The following PARN variants were observed in gnomAD, a reference collection of about 807,000 sequenced individuals.
PARN encodes the protein poly(A)-specific ribonuclease PARN.
A neutral mutation model predicts 102.8 loss-of-function variants in PARN; 71 were observed. That is an observed-to-expected ratio of 0.69 (90% CI 0.57 to 0.84). PARN has a LOEUF of 0.84. Among genes scored for constraint, PARN ranks in the 40% least tolerant of loss-of-function variants. The probability of loss-of-function intolerance (pLI) is 0.00; values close to 1 mark genes in which losing one functional copy is unlikely to be tolerated. For missense variants in PARN, 782 were observed against 760.9 expected, an observed-to-expected ratio of 1.03 and a Z score of -0.33; for synonymous variants, 261 against 252.9, an observed-to-expected ratio of 1.03 and a Z score of -0.30.
At chr16:14,572,672 G>A (rs1456140539) in intron 18 of PARN, among the ~76,000 whole-genome samples, 4 of 152,016 alleles carry the variant, frequency 2.6e-5, no homozygotes, top group African/African-American at 7.3e-5. Flanking sequence ...CTTCTATTAC[G>A]TACCAATGTG....
At chr16:14,460,280 T>C (rs1295845490) in intron 22 of PARN, among the ~76,000 whole-genome samples, 1 of 152,222 alleles carries the variant, frequency 6.6e-6, no homozygotes, top group African/African-American at 2.4e-5. Flanking sequence ...CAGCCAAATA[T>C]TTAAAGAAAG....
intron 18 of PARN, among the ~76,000 whole-genome samples, chr16:14,571,874 G>A (rs996285609): frequency 6.6e-6 from 1 of 152,196 alleles, no homozygotes; most frequent in African/African-American, 2.4e-5. Flanking sequence ...GGATTCAACT[G>A]TACTATACTA....
chr16:14,503,745 C>T (rs1225448555), intron 21 of PARN, among the ~76,000 whole-genome samples: 2 of 152,204 alleles, frequency 1.3e-5, no homozygotes, highest in African/African-American at 2.4e-5. Context: ...AGGTAGTACA[C>T]GCTGCCAATG....
intron 21 of PARN, among the ~76,000 whole-genome samples, chr16:14,535,061 C>T (rs1490217741): frequency 2.0e-5 from 3 of 152,088 alleles, no homozygotes; most frequent in Non-Finnish European, 2.9e-5. Context: ...CTCGAACTCC[C>T]GACCTCAGGT....
At position 14,627,190 on chromosome 16, in the gene PARN, G is replaced by T; in HGVS notation, c.246-3C>A. The T allele has an allele frequency of 6.3e-7, 1 of 1,591,466 alleles. No individual in the cohort carries two copies. The highest frequency in any genetic ancestry group is 8.6e-7 in the Non-Finnish European group (1 of 1,162,578). Reference sequence around the variant, plus strand: ...AGTTAAATGACTTCGTTATATACCTGGGATAAGATAAAAGGAGACTTAGGA... The same window carrying T: ...AGTTAAATGACTTCGTTATATACCTTGGATAAGATAAAAGGAGACTTAGGA... On this transcript the variant is annotated splice_polypyrimidine_tract_variant and splice_region_variant and intron_variant, in intron 4 of 23. Transcript: ENST00000437198.
At chr16:14,596,972 A>T (rs1369082850) in intron 12 of PARN, among the ~76,000 whole-genome samples, 1 of 152,026 alleles carries the variant, frequency 6.6e-6, no homozygotes, top group East Asian at 1.9e-4. Context: ...TTTTCATTAG[A>T]GATGGTATTT....
At chr16:14,538,634 T>G (rs993045006) in intron 21 of PARN, among the ~76,000 whole-genome samples, 13 of 152,164 alleles carry the variant, frequency 8.5e-5, no homozygotes, top group African/African-American at 3.1e-4. Flanking sequence ...GAGAGATTTA[T>G]TCAATACTCT....
intron 21 of PARN, 32 bp from the exon 22 acceptor site, chr16:14,482,859 T>TA (rs1394224211): frequency 6.5e-7 from 1 of 1,536,436 alleles, no homozygotes; most frequent in East Asian, 2.3e-5. Context: ...ATAAAATGCT[T>TA]ACAAAAGTCT....
chr16:14,559,413 T>G (rs563803511), intron 18 of PARN, among the ~76,000 whole-genome samples: 1 of 152,220 alleles, frequency 6.6e-6, no homozygotes, highest in East Asian at 1.9e-4. Flanking sequence ...AGATTTGTTT[T>G]TTTTTTTTAA....
At chr16:14,537,474 G>A (rs1009206171) in intron 21 of PARN, among the ~76,000 whole-genome samples, 10 of 152,090 alleles carry the variant, frequency 6.6e-5, no homozygotes, top group Non-Finnish European at 1.3e-4. Flanking sequence ...AAAGGCATAC[G>A]CTGCACCCCC....
chr16:14,520,453 C>G (rs1421161796), intron 21 of PARN, among the ~76,000 whole-genome samples: 1 of 152,014 alleles, frequency 6.6e-6, no homozygotes, highest in Non-Finnish European at 1.5e-5. Flanking sequence ...GTGGGCCAGG[C>G]ATGGTGGCTC....
chr16:14,629,926 C>G (rs927910311), intron 1 of PARN, among the ~76,000 whole-genome samples, 181 bp downstream of exon 1: 2 of 152,220 alleles, frequency 1.3e-5, no homozygotes, highest in African/African-American at 4.8e-5. Context: ...GTACAAGGCT[C>G]CTAGGGTGCA....
Position 14,436,656 on chromosome 16 carries a change from T to C in PARN, c.*61A>G. ...AGTTAAATACAGTGCGGCTTCCAAA[T>C]GTGCCAGCCGGCTCTTGCTCACAGC... is the stretch of plus-strand genomic sequence containing the variant. On this transcript the variant is annotated 3_prime_UTR_variant, in exon 24 of 24. Transcript: ENST00000437198. The C allele has an allele frequency of 7.9e-7, 1 of 1,273,062 alleles. No individual in the cohort carries two copies. Among genetic ancestry groups the C allele is most frequent in the Non-Finnish European group, 1.1e-6 (1 of 889,956 alleles). 78.9% of individuals were successfully genotyped at this position (1,273,062 alleles called of 1,614,324 possible).
intron 21 of PARN, among the ~76,000 whole-genome samples, chr16:14,521,333 C>T (rs1188152059): frequency 6.6e-6 from 1 of 152,206 alleles, no homozygotes; most frequent in East Asian, 1.9e-4. Context: ...CCAAAAAGTT[C>T]TATGGCCTGC....
In PARN at chr16:14,628,216, T is replaced by C. The variant is rs748359090; in HGVS notation, c.133A>G (p.Asn45Asp). 3 of 1,607,566 alleles carry C rather than the reference T, an allele frequency of 1.9e-6. No individual in the cohort carries two copies. Among genetic ancestry groups the C allele is most frequent in the Admixed American group, 3.3e-5 (2 of 59,760 alleles). ...SDGPSVSALT[N>D]GFDTPEERYQ... is the part of the protein sequence containing the mutation. The stretch of plus-strand genomic sequence containing the variant: ...CTCTCTTCTGGAGTGTCAAAACCAT[T>C]TGTTAATGCAGAGACTGAAGGTCCA... Residue 45 changes from asparagine (N) to aspartate (D), a missense_variant, in exon 3 of 24, where the codon AAT becomes GAT. Coordinates refer to ENST00000437198, the MANE Select transcript of PARN (RefSeq NM_002582.4).
intron 22 of PARN, among the ~76,000 whole-genome samples, chr16:14,457,371 A>G (rs1292235190): frequency 2.0e-5 from 3 of 152,186 alleles, no homozygotes; most frequent in Non-Finnish European, 4.4e-5. Flanking sequence ...TTCGAATTCC[A>G]TGAGCATGAC....
chr16:14,569,853 T>C (rs1968678913), intron 18 of PARN, among the ~76,000 whole-genome samples: 1 of 152,166 alleles, frequency 6.6e-6, no homozygotes, highest in South Asian at 2.1e-4. Flanking sequence ...ACAGTGGCTA[T>C]GGTTGTATAA....
intron 13 of PARN, among the ~76,000 whole-genome samples, chr16:14,587,986 G>C (rs977066307): frequency 6.6e-6 from 1 of 152,180 alleles, no homozygotes; most frequent in African/African-American, 2.4e-5. Context: ...TACACCCCTT[G>C]TCCAAGGAGC....
At chr16:14,612,089 CG>C (rs1420269228) in intron 6 of PARN, among the ~76,000 whole-genome samples, 1 of 152,030 alleles carries the variant, frequency 6.6e-6, no homozygotes, top group Non-Finnish European at 1.5e-5. Flanking sequence ...AGACATAAGA[CG>C]TAACACTTAC....
Sources: allele counts gnomAD v4.1 joint callset (sites outside exome capture counted in the v4.1 genomes callset), GRCh38; gene constraint gnomAD v4.1.1; transcripts MANE v1.5; gene names NCBI Gene and HGNC (gene_info 2026-07-23, HGNC 2026-07-21).